The following TENM1 variants were observed in gnomAD, a reference collection of about 807,000 sequenced individuals.
The protein encoded by TENM1 is teneurin-1.
TENM1 carries 35 observed loss-of-function variants against 174.8 expected under a neutral mutation model. The observed-to-expected ratio is 0.20, with a 90% CI of 0.15 to 0.27. TENM1 has a LOEUF of 0.27. TENM1 is among the 10% of genes least tolerant of loss of function. The pLI is 1.00. For missense variants in TENM1, 1,633 were observed against 2,130.1 expected (o/e 0.77, Z 4.59); for synonymous variants, 781 against 798.7 (o/e 0.98, Z 0.37).
At chrX:124,903,457 C>A in intron 1 of TENM1, among the ~76,000 whole-genome samples, 1 of 111,694 alleles carries the variant, frequency 9.0e-6, no homozygotes, top group Middle Eastern at 4.6e-3. Flanking sequence ...GAGGTAGAAA[C>A]CTGGAAGAAA....
chrX:124,741,649 G>C (rs1457223479), intron 3 of TENM1, among the ~76,000 whole-genome samples: 2 of 112,127 alleles, frequency 1.8e-5, no homozygotes, highest in African/African-American at 6.5e-5. Context: ...GTGGGTGCCA[G>C]AAGAGTTGCA....
chrX:124,832,906 G>C (rs991908200), intron 3 of TENM1, among the ~76,000 whole-genome samples: 1 of 112,304 alleles, frequency 8.9e-6, no homozygotes, highest in Non-Finnish European at 1.9e-5. Flanking sequence ...CTAGCAAATA[G>C]TAAGTATGCA....
At chrX:125,149,106 T>C in the TENM1 span, among the ~76,000 whole-genome samples, 2 of 104,905 alleles carry the variant, frequency 1.9e-5, no homozygotes, top group Non-Finnish European at 3.9e-5. Flanking sequence ...ACTTTAAGTG[T>C]CCCAATGCCA....
chrX:124,972,927 G>A, the TENM1 span, among the ~76,000 whole-genome samples: 6 of 111,889 alleles, frequency 5.4e-5, no homozygotes, highest in Non-Finnish European at 1.1e-4. Flanking sequence ...TACCTGAGAC[G>A]GGCTAATTTA....
At chrX:124,420,233 T>C in intron 25 of TENM1, 78 bp downstream of exon 28, 2 of 1,036,698 alleles carry the variant, frequency 1.9e-6, no homozygotes, top group Non-Finnish European at 2.6e-6. Flanking sequence ...CACTCAGCAA[T>C]TACTAAGGCA....
At chrX:124,819,806 T>C (rs7880842) in intron 3 of TENM1, among the ~76,000 whole-genome samples, 2,965 of 110,098 alleles carry the variant, frequency 0.027, 39 homozygotes, top group Middle Eastern at 0.066. Flanking sequence ...TTTCCTTTTT[T>C]TTTTTTGGAG....
chrX:125,171,751 T>C, the TENM1 span, among the ~76,000 whole-genome samples: 1 of 111,649 alleles, frequency 9.0e-6, no homozygotes, highest in South Asian at 3.7e-4. Flanking sequence ...CCTCCAGAAC[T>C]ATGAGAAATA....
At chrX:124,407,985 C>A (rs1376124974) in intron 25 of TENM1, among the ~76,000 whole-genome samples, 1 of 111,366 alleles carries the variant, frequency 9.0e-6, no homozygotes. Flanking sequence ...CTTCCCTCTG[C>A]AAAGACTGCC....
chrX:125,134,776 A>G, the TENM1 span, among the ~76,000 whole-genome samples: 1 of 112,247 alleles, frequency 8.9e-6, no homozygotes, highest in Admixed American at 9.4e-5. Flanking sequence ...CTTTTTGATT[A>G]TGATAACTGA....
chrX:125,000,760 G>A, the TENM1 span, among the ~76,000 whole-genome samples: 2 of 111,097 alleles, frequency 1.8e-5, no homozygotes, highest in African/African-American at 6.5e-5. Flanking sequence ...TCATTCAAGA[G>A]ATATCTTCTG....
chrX:124,481,896 G>A, exon 22 of TENM1: 1 of 1,206,068 alleles, frequency 8.3e-7, no homozygotes, highest in African/African-American at 1.7e-5. Context: ...GCGAGTATTG[G>A]TGTCTGATAG....
At chrX:124,854,341 T>A (rs1456053866) in intron 3 of TENM1, among the ~76,000 whole-genome samples, 1 of 110,648 alleles carries the variant, frequency 9.0e-6, no homozygotes, top group Admixed American at 9.6e-5. Flanking sequence ...TAATGGACTT[T>A]GGGGACTCAG....
chrX:124,983,547 G>A, the TENM1 span, among the ~76,000 whole-genome samples: 4 of 111,803 alleles, frequency 3.6e-5, no homozygotes, highest in African/African-American at 1.3e-4. Context: ...GGCCCTCACT[G>A]AATCAGACTC....
chrX:124,843,510 C>G (rs1181027093), intron 3 of TENM1, among the ~76,000 whole-genome samples: 1 of 111,479 alleles, frequency 9.0e-6, no homozygotes, highest in Non-Finnish European at 1.9e-5. Context: ...CCAGATCACT[C>G]ATTTAAGAGA....
the TENM1 span, among the ~76,000 whole-genome samples, chrX:125,052,318 A>T: frequency 8.9e-6 from 1 of 112,034 alleles, no homozygotes; most frequent in African/African-American, 3.2e-5. Flanking sequence ...GGACAGGGCC[A>T]AATAGGAACA....
intron 3 of TENM1, among the ~76,000 whole-genome samples, chrX:124,748,442 T>C (rs368996798): frequency 1.8e-5 from 2 of 110,924 alleles, no homozygotes; most frequent in East Asian, 2.8e-4. Context: ...TACTGAACTA[T>C]ACTCTTCTTT....
Position 124,514,286 on chromosome X carries a change from C to A in TENM1, c.3301+6231G>T, listed in dbSNP as rs181151408. 5.6e-4 allele frequency among the ~76,000 whole-genome samples: 61 copies of A among 108,792 alleles called. No individual in the cohort carries two copies. The East Asian group carries it at 0.016, about 28-fold the overall frequency. The allele number at this position is 108,792 out of a possible 115,157, so 94.5% of individuals were successfully genotyped here. On this transcript the variant is annotated intron_variant, in intron 18 of 31. Coordinates refer to ENST00000422452, the Ensembl canonical transcript of TENM1. ...GGACTGAGAAAATTTCTAAGTGTCA[C>A]AATTTAAGAAAAAAAGCAAAAAACA... is the stretch of plus-strand genomic sequence containing the variant.
intron 3 of TENM1, among the ~76,000 whole-genome samples, chrX:124,867,348 C>T (rs774964868): frequency 8.9e-6 from 1 of 111,765 alleles, no homozygotes; most frequent in Non-Finnish European, 1.9e-5. Flanking sequence ...ACAAATCAAT[C>T]AATGTGATAC....
chrX:125,093,927 C>G, the TENM1 span, among the ~76,000 whole-genome samples: 13 of 112,200 alleles, frequency 1.2e-4, no homozygotes, highest in African/African-American at 3.9e-4. Flanking sequence ...GAGCCAAAGT[C>G]TGAATGGAAA....
Sources: gnomAD v4.1 joint callset for allele counts (sites outside exome capture counted in the v4.1 genomes callset) on GRCh38, gnomAD v4.1.1 for gene constraint, MANE v1.5 for transcripts, NCBI Gene and HGNC (gene_info 2026-07-23, HGNC 2026-07-21) for gene names.